The following GRAMD2B variants were observed in gnomAD, a reference collection of about 807,000 sequenced individuals.
GRAMD2B encodes the protein GRAM domain-containing protein 2B.
In GRAMD2B, 41 loss-of-function variants were observed where a neutral mutation model predicts 59.2. That is an observed-to-expected ratio of 0.69 (90% confidence interval 0.54 to 0.90). The LOEUF (loss-of-function observed/expected upper bound fraction) is 0.90, where lower values mean the gene tolerates loss of function less well. Ranked by LOEUF, GRAMD2B falls within the 40% of genes least tolerant of loss-of-function variation. The pLI, the probability that GRAMD2B is intolerant of heterozygous loss-of-function variation, is 0.00. For missense variants in GRAMD2B, 424 were observed against 500.5 expected (o/e 0.85, Z 1.46); for synonymous variants, 161 against 182.7 (o/e 0.88, Z 0.96).
intron 7 of GRAMD2B, 38 bp from the exon 8 acceptor site, chr5:126,480,589 A>T: frequency 1.2e-6 from 2 of 1,608,352 alleles, no homozygotes; most frequent in Non-Finnish European, 1.7e-6. Context: ...ATGGTTTCAT[A>T]GTTAATCTGG....
intron 3 of GRAMD2B, among the ~76,000 whole-genome samples, chr5:126,471,492 G>A (rs1468892076): frequency 6.6e-6 from 1 of 152,190 alleles, no homozygotes; most frequent in Non-Finnish European, 1.5e-5. Context: ...AGGATGAAGT[G>A]ATTTACAGCT....
At chr5:126,450,652 TAAAAA>T (rs10544199) in intron 1 of GRAMD2B, among the ~76,000 whole-genome samples, 3,222 of 96,068 alleles carry the variant, frequency 0.034, 71 homozygotes, top group Middle Eastern at 0.06. Flanking sequence ...AGCCTGCTGT[TAAAAA>T]AAAAAAAAAA....
upstream of GRAMD2B, among the ~76,000 whole-genome samples, chr5:126,370,224 G>A (rs1160934694): frequency 1.3e-5 from 2 of 152,202 alleles, no homozygotes; most frequent in East Asian, 3.9e-4. Context: ...ATCACTGAAA[G>A]ACTCACTTCA....
chr5:126,463,593 T>C (rs922929743), intron 1 of GRAMD2B, among the ~76,000 whole-genome samples: 4 of 152,254 alleles, frequency 2.6e-5, no homozygotes, highest in Admixed American at 6.5e-5. Context: ...AATTCTGTTA[T>C]GGACTGAGCC....
At position 126,383,788 on chromosome 5, in the gene GRAMD2B, C is replaced by T. The variant is rs377667575; in HGVS notation, c.125+12221C>T. Among the ~76,000 whole-genome samples, 11 of 152,218 alleles carry T rather than the reference C, an allele frequency of 7.2e-5. No homozygotes were observed. The South Asian group carries it at 1.0e-3, about 14-fold the overall frequency. ...TATTTTCAAAAATCAAACCCACTTT[C>T]GAGGGTCATTTAATTCCATTTCTTT... On this transcript the variant is annotated intron_variant, in intron 1 of 8. Coordinates refer to the GRAMD2B transcript ENST00000506445.
At chr5:126,411,282 T>C (rs1426499797) in intron 1 of GRAMD2B, among the ~76,000 whole-genome samples, 1 of 152,090 alleles carries the variant, frequency 6.6e-6, no homozygotes, top group Non-Finnish European at 1.5e-5. Flanking sequence ...TTTGTGTATA[T>C]GGTGAAAGGC....
At chr5:126,403,592 A>C (rs1221193102) in intron 1 of GRAMD2B, among the ~76,000 whole-genome samples, 1 of 151,946 alleles carries the variant, frequency 6.6e-6, no homozygotes, top group African/African-American at 2.4e-5. Flanking sequence ...CTCTAGGGGA[A>C]AAAAGAGCAG....
chr5:126,399,140 G>A (rs1016994124), intron 1 of GRAMD2B, among the ~76,000 whole-genome samples: 1 of 152,104 alleles, frequency 6.6e-6, no homozygotes, highest in African/African-American at 2.4e-5. Context: ...CAAGTCAGAT[G>A]TTTCATTATC....
intron 1 of GRAMD2B, among the ~76,000 whole-genome samples, chr5:126,362,107 T>C (rs866117851): frequency 1.1e-4 from 16 of 152,220 alleles, no homozygotes; most frequent in African/African-American, 3.1e-4. Context: ...TTTTTTCATT[T>C]GTTATTAGCC....
chr5:126,479,023 C>G (rs935622723), intron 6 of GRAMD2B, among the ~76,000 whole-genome samples: 1 of 152,168 alleles, frequency 6.6e-6, no homozygotes, highest in Admixed American at 6.5e-5. Flanking sequence ...ATTGGGCTAC[C>G]ACAGACATGC....
intron 13 of GRAMD2B, among the ~76,000 whole-genome samples, chr5:126,492,206 G>A (rs1774060265): frequency 6.6e-6 from 1 of 152,092 alleles, no homozygotes. Context: ...GGAGTAACAG[G>A]AGTGTTAAAC....
At chr5:126,428,342 A>C (rs975974002) in intron 1 of GRAMD2B, among the ~76,000 whole-genome samples, 1 of 152,168 alleles carries the variant, frequency 6.6e-6, no homozygotes, top group African/African-American at 2.4e-5. Flanking sequence ...CTCATATTTT[A>C]AAATGGTATA....
chr5:126,423,087 C>T (rs147514398), upstream of GRAMD2B: 26 of 859,898 alleles, frequency 3.0e-5, no homozygotes, highest in East Asian at 3.1e-3. Flanking sequence ...GGGCATAGGC[C>T]AGCCCACACA....
At chr5:126,470,651 C>T (rs923663925) in intron 3 of GRAMD2B, among the ~76,000 whole-genome samples, 4 of 151,836 alleles carry the variant, frequency 2.6e-5, no homozygotes, top group Admixed American at 6.6e-5. Context: ...CTCCACCTCC[C>T]GGGTTTAAGT....
At chr5:126,472,799 G>A (rs1769870415) in intron 4 of GRAMD2B, among the ~76,000 whole-genome samples, 1 of 152,302 alleles carries the variant, frequency 6.6e-6, no homozygotes, top group South Asian at 2.1e-4. Context: ...TTCCATTCTA[G>A]CCTCTCTTGA....
At chr5:126,415,094 T>C (rs1410071032) in intron 1 of GRAMD2B, among the ~76,000 whole-genome samples, 1 of 152,142 alleles carries the variant, frequency 6.6e-6, no homozygotes, top group Admixed American at 6.5e-5. Context: ...AGCACAGAGC[T>C]TGGAATAGAG....
chr5:126,485,520 A>G lies in GRAMD2B; in HGVS notation c.971-166A>G, dbSNP rs7731965. On this transcript the variant is annotated intron_variant, in intron 10 of 13. Coordinates refer to ENST00000285689, the MANE Select transcript of GRAMD2B (RefSeq NM_023927.4). ...TATGTAATCAATGGAATGTGTTGGA[A>G]GGAATTGTAACCACTGGTTAAAATG... Among the ~76,000 whole-genome samples the G allele has an allele frequency of 6.1e-3, 930 of 152,328 alleles. 9 individuals carry two copies. Among genetic ancestry groups the G allele is most frequent in the African/African-American group, 0.021 (883 of 41,574 alleles).
chr5:126,403,157 T>C (rs1444535470), intron 1 of GRAMD2B, among the ~76,000 whole-genome samples: 1 of 151,976 alleles, frequency 6.6e-6, no homozygotes, highest in African/African-American at 2.4e-5. Flanking sequence ...CAGAAAGAAA[T>C]ATATTTCTTA....
At chr5:126,369,520 C>T (rs937464616), upstream of GRAMD2B, among the ~76,000 whole-genome samples, 1 of 152,036 alleles carries the variant, frequency 6.6e-6, no homozygotes, top group South Asian at 2.1e-4. Flanking sequence ...GCCTTTCTAT[C>T]GCTTTTATTT....
Sources: gnomAD v4.1 joint callset for allele counts (sites outside exome capture counted in the v4.1 genomes callset) on GRCh38, gnomAD v4.1.1 for gene constraint, MANE v1.5 for transcripts, NCBI Gene and HGNC (gene_info 2026-07-23, HGNC 2026-07-21) for gene names.